Variants in NMRAL1 observed in about 807,000 individuals in gnomAD.
NMRAL1 encodes the protein NmrA like redox sensor 1.
Under a neutral mutation model 27.5 loss-of-function variants are expected in NMRAL1, and 32 were observed. The ratio of observed to expected loss-of-function variants is 1.16; its 90% CI spans 0.88 to 1.56. NMRAL1 has a LOEUF of 1.56. Among genes scored for constraint, NMRAL1 ranks in the 40% most tolerant of loss-of-function variants. The pLI, the probability that NMRAL1 is intolerant of heterozygous loss-of-function variation, is 0.00. For synonymous variants in NMRAL1, 166 were observed against 166.8 expected, an observed-to-expected ratio of 1.00 and a Z score of 0.04; for missense variants, 420 against 392.0, an observed-to-expected ratio of 1.07 and a Z score of -0.60.
At chr16:4,465,605 C>T (rs1269151136) in intron 4 of NMRAL1, among the ~76,000 whole-genome samples, 1 of 152,102 alleles carries the variant, frequency 6.6e-6, no homozygotes. Context: ...TTGCTCTTGT[C>T]GCCTAGGCTA....
intron 2 of NMRAL1, among the ~76,000 whole-genome samples, chr16:4,472,193 G>A (rs2057591999): frequency 6.6e-6 from 1 of 152,180 alleles, no homozygotes; most frequent in Non-Finnish European, 1.5e-5. Flanking sequence ...TATCCATACG[G>A]TGGAATATTA....
In NMRAL1 at chr16:4,473,805, A is replaced by T. The variant is rs146299834; in HGVS notation, c.40+288T>A. On this transcript the variant is annotated intron_variant, in intron 2 of 5. Transcript: ENST00000283429. ...GCCGGGCGTGGTGGCATGCCCTTGTAATCCCAGCTACTCGGGAGGCTGAGA... is the reference window on the plus strand; with the variant it reads ...GCCGGGCGTGGTGGCATGCCCTTGTTATCCCAGCTACTCGGGAGGCTGAGA... 2.6e-4 allele frequency among the ~76,000 whole-genome samples: 40 copies of T among 152,172 alleles called. No individual in the cohort carries two copies. In the East Asian group the frequency reaches 7.5e-3, roughly 29 times the overall value.
In NMRAL1 at chr16:4,469,355, C is replaced by G; in HGVS notation, c.151G>C (p.Gly51Arg). ...KKAAKELRLQ[G>R]AEVVQGDQDD... Reference sequence around the variant, plus strand: ...TGGTCTCCCTGCACTACTTCTGCACCTTGCAGCCTCAGCTCCTTTGCTGCC... The same window carrying G: ...TGGTCTCCCTGCACTACTTCTGCACGTTGCAGCCTCAGCTCCTTTGCTGCC... Residue 51 changes from glycine (G) to arginine (R), a missense_variant, in exon 3 of 6, where the codon GGT (glycine) becomes CGT (arginine). Coordinates refer to ENST00000283429, the MANE Select transcript of NMRAL1 (RefSeq NM_020677.6). 6.2e-7 allele frequency: 1 copy of G among 1,614,106 alleles called. No individual in the cohort carries two copies. The highest frequency in any genetic ancestry group is 8.5e-7 in the Non-Finnish European group (1 of 1,179,928).
chr16:4,463,280 C>T (rs978558805), intron 5 of NMRAL1: 6 of 284,654 alleles, frequency 2.1e-5, no homozygotes, highest in East Asian at 9.3e-5. Context: ...GGGCAGGGGT[C>T]GGCCCTATCT....
intron 2 of NMRAL1, chr16:4,469,737 C>T (rs1407149911): frequency 1.9e-6 from 1 of 514,906 alleles, no homozygotes; most frequent in Non-Finnish European, 3.4e-6. Context: ...TGTGAAGGCA[C>T]ATGCCTGTAC....
intron 2 of NMRAL1, 104 bp downstream of exon 2, chr16:4,473,989 G>A (rs2057710256): frequency 4.9e-6 from 4 of 811,476 alleles, no homozygotes; most frequent in African/African-American, 3.5e-5. Flanking sequence ...AACCTGGGTC[G>A]GGGGTCCCAG....
chr16:4,463,677 C>G lies in NMRAL1; in HGVS notation c.703G>C (p.Val235Leu), dbSNP rs773475399. The change falls in exon 5 of 6, where the codon GTC (valine) becomes CTC (leucine). Residue 235 changes from valine (V) to leucine (L), a missense_variant. By Grantham distance (32) the Val-to-Leu change is conservative. Coordinates refer to ENST00000283429, the MANE Select transcript of NMRAL1 (RefSeq NM_020677.6). ...AALLTKHTRKVVHDAKMTPED... is the reference protein window; with the variant it reads ...AALLTKHTRKLVHDAKMTPED... The stretch of plus-strand genomic sequence containing the variant: ...AGGCCCACCTTGGCATCGTGCACGA[C>G]CTTGCGGGTGTGCTTGGTGAGCAGG... 6.2e-7 allele frequency: 1 copy of G among 1,613,864 alleles called. No individual in the cohort carries two copies.
rs185496013 is a variant in NMRAL1 at position 4,469,598 on chromosome 16, G to A, written c.41-133C>T. On this transcript the variant is annotated intron_variant, in intron 2 of 5. Coordinates refer to ENST00000283429, the MANE Select transcript of NMRAL1 (RefSeq NM_020677.6). ...CTTCTCAACGACGATTCTCATTCAGGTATTTTTATTTTCTTTATTTTATTT... is the reference window on the plus strand; with the variant it reads ...CTTCTCAACGACGATTCTCATTCAGATATTTTTATTTTCTTTATTTTATTT... 5,217 of 1,505,434 alleles carry A rather than the reference G, an allele frequency of 3.5e-3. 12 individuals carry two copies. Among genetic ancestry groups the A allele is most frequent in the Non-Finnish European group, 4.1e-3 (4,622 of 1,132,834 alleles). The allele number at this position is 1,505,434 out of a possible 1,614,324, so 93.3% of individuals were successfully genotyped here.
At chr16:4,462,584 CA>C in intron 5 of NMRAL1, among the ~76,000 whole-genome samples, 1 of 152,072 alleles carries the variant, frequency 6.6e-6, no homozygotes, top group African/African-American at 2.4e-5. Flanking sequence ...TCTCAAAAAC[CA>C]AAGCTTGACC....
intron 3 of NMRAL1, 89 bp downstream of exon 3, chr16:4,469,138 G>T: frequency 1.2e-6 from 1 of 821,658 alleles, no homozygotes; most frequent in Non-Finnish European, 2.1e-6. Context: ...GGCCTGCAGT[G>T]CTCCAACCTC....
intron 4 of NMRAL1, among the ~76,000 whole-genome samples, chr16:4,464,454 G>A (rs1021570375): frequency 6.6e-6 from 1 of 152,072 alleles, no homozygotes; most frequent in Non-Finnish European, 1.5e-5. Context: ...TTTTGTAGAT[G>A]GGGAGGCTGG....
In NMRAL1 at chr16:4,469,112, A is replaced by G. The variant is rs564399428; in HGVS notation, c.279+115T>C. The G allele has an allele frequency of 4.3e-6, 3 of 705,258 alleles. No homozygotes were observed. In the South Asian group the frequency reaches 4.8e-5, roughly 11 times the overall value. 43.7% of individuals were successfully genotyped at this position (705,258 alleles called of 1,614,324 possible). ...TTCACAGCCTAGAGCAGGCAGAGGC[A>G]TGAAGAAGAGGGAAAGGCCTGCAGT... On this transcript the variant is annotated intron_variant, in intron 3 of 5. Transcript: ENST00000283429.
chr16:4,463,362 C>T (rs1018539515), intron 5 of NMRAL1: 3 of 482,114 alleles, frequency 6.2e-6, no homozygotes, highest in African/African-American at 4.1e-5. Flanking sequence ...ACTCTTTTCT[C>T]TTCAAATTCC....
At chr16:4,462,112 T>G (rs2057135861) in intron 5 of NMRAL1, among the ~76,000 whole-genome samples, 153 bp from the exon 6 acceptor site, 1 of 152,194 alleles carries the variant, frequency 6.6e-6, no homozygotes, top group Non-Finnish European at 1.5e-5. Context: ...ACAAGGTCAT[T>G]TGAAAACTTC....
upstream of NMRAL1, chr16:4,476,168 C>T (rs1443568586): frequency 6.6e-6 from 1 of 152,270 alleles, no homozygotes; most frequent in Non-Finnish European, 1.5e-5. Context: ...AAGTGCTCAA[C>T]CCTGAGGCAC....
In NMRAL1 at chr16:4,469,270, G is replaced by C. The variant is rs1280110953; in HGVS notation, c.236C>G (p.Thr79Ser). The C allele has an allele frequency of 1.2e-6, 2 of 1,613,994 alleles. No individual in the cohort carries two copies. The highest frequency in any genetic ancestry group is 2.7e-5 in the African/African-American group (2 of 74,898). ...CTGGCTGCAGCTCTCCCAGTAATTG[G>C]TCACGATGAAGGTGGCGTAAGCCCC... ...LNGAYATFIV[T>S]NYWESCSQEQ... is the part of the protein sequence containing the mutation. The change falls in exon 3 of 6, where the codon ACC (threonine) becomes AGC (serine). Residue 79 changes from threonine to serine, a missense_variant. Coordinates refer to ENST00000283429, the MANE Select transcript of NMRAL1 (RefSeq NM_020677.6).
At position 4,463,416 on chromosome 16, in the gene NMRAL1, T is replaced by C. The variant is rs74005334; in HGVS notation, c.720+244A>G. 1.9e-3 allele frequency: 1,013 copies of C among 532,532 alleles called. 12 individuals carry two copies. The highest frequency in any genetic ancestry group is 0.016 in the African/African-American group (778 of 50,048). 33.0% of individuals were successfully genotyped at this position (532,532 alleles called of 1,614,324 possible). A position where few individuals can be genotyped will look rare whatever the true frequency, so the allele number is the denominator to read the frequency against. ...GCAGGGCCTGCATTTTCACCCCTCC[T>C]TGCCTTGGCTCCTATGGCCCTCTCC... is the stretch of plus-strand genomic sequence containing the variant. On this transcript the variant is annotated intron_variant, in intron 5 of 5. Transcript: ENST00000283429.
rs768863111 is a variant in NMRAL1 at position 4,466,396 on chromosome 16, GC to G, written c.285del (p.Lys95AsnfsTer26). On this transcript the variant is annotated frameshift_variant, in exon 4 of 6. Coordinates refer to ENST00000283429, the MANE Select transcript of NMRAL1 (RefSeq NM_020677.6). LOFTEE classifies it high-confidence loss of function. Reference sequence around the variant, plus strand: ...AGGCGCCTGGCCAGATCAGCGAGCAGCTTCCCCTGGAGGGCAGGGAAGGAGA... The same window carrying G: ...AGGCGCCTGGCCAGATCAGCGAGCAGTTCCCCTGGAGGGCAGGGAAGGAGA... ...CSQEQEVKQG[K>X]LLADLARRLG... 1.9e-6 allele frequency: 3 copies of G among 1,612,002 alleles called. No individual in the cohort carries two copies. Among genetic ancestry groups the G allele is most frequent in the South Asian group, 2.2e-5 (2 of 90,996 alleles).
intron 2 of NMRAL1, among the ~76,000 whole-genome samples, chr16:4,471,804 A>G (rs1199750011): frequency 6.6e-6 from 1 of 151,858 alleles, no homozygotes; most frequent in Non-Finnish European, 1.5e-5. Context: ...CGGGCACAGT[A>G]GCTCATAGCT....
Sources: allele counts gnomAD v4.1 joint callset (sites outside exome capture counted in the v4.1 genomes callset), GRCh38; gene constraint gnomAD v4.1.1; transcripts MANE v1.5; gene names NCBI Gene and HGNC (gene_info 2026-07-23, HGNC 2026-07-21).